Variants in ST7 observed in about 807,000 individuals in gnomAD.
ST7 encodes the protein suppression of tumorigenicity 7.
ST7 carries 28 observed loss-of-function variants against 78.7 expected under a neutral mutation model. The observed-to-expected ratio is 0.36, with a 90% confidence interval of 0.26 to 0.49. The LOEUF is 0.49. Among genes scored for constraint, ST7 ranks in the 20% least tolerant of loss-of-function variants. The probability of loss-of-function intolerance (pLI) is 0.99; values close to 1 mark genes in which losing one functional copy is unlikely to be tolerated. For synonymous variants in ST7, 247 were observed against 249.6 expected (o/e 0.99, Z 0.10); for missense variants, 418 against 696.0 (o/e 0.60, Z 4.49).
chr7:117,171,552 T>G (rs186445419), intron 10 of ST7, among the ~76,000 whole-genome samples: 14 of 151,964 alleles, frequency 9.2e-5, no homozygotes, highest in Admixed American at 5.9e-4. Flanking sequence ...CCATTCTGGT[T>G]ACTCACTCAT....
chr7:116,957,933 C>T (rs186593429), intron 1 of ST7, among the ~76,000 whole-genome samples: 10 of 152,308 alleles, frequency 6.6e-5, no homozygotes, highest in Admixed American at 1.3e-4. Flanking sequence ...CTTTGAAATC[C>T]GTTTTCATTC....
intron 1 of ST7, among the ~76,000 whole-genome samples, chr7:117,020,846 G>A (rs1392343588): frequency 2.0e-5 from 3 of 152,218 alleles, no homozygotes; most frequent in Non-Finnish European, 4.4e-5. Context: ...AGGCCTGTAA[G>A]AGGGAGGTAG....
At chr7:117,067,596 TGGTTGG>T (rs1798710340) in intron 1 of ST7, among the ~76,000 whole-genome samples, 1 of 151,902 alleles carries the variant, frequency 6.6e-6, no homozygotes, top group Non-Finnish European at 1.5e-5. Flanking sequence ...TCCTGGGGGA[TGGTTGG>T]GGTTGGGGAA....
At chr7:117,074,623 T>C (rs949193582) in intron 1 of ST7, 2 of 152,208 alleles carry the variant, frequency 1.3e-5, no homozygotes, top group Non-Finnish European at 2.9e-5. Context: ...AGATACACTG[T>C]GACTTCAAAT....
intron 1 of ST7, among the ~76,000 whole-genome samples, chr7:116,968,823 A>T (rs1793272816): frequency 6.6e-6 from 1 of 152,198 alleles, no homozygotes. Context: ...TGCTTGGAGA[A>T]TATGAGAATG....
At chr7:117,209,684 G>C (rs762718286) in intron 12 of ST7, 103 bp from the exon 13 acceptor site, 55 of 1,334,096 alleles carry the variant, frequency 4.1e-5, no homozygotes, top group Non-Finnish European at 5.3e-5. Context: ...TTAATGAAAT[G>C]CTTATAAGTG....
intron 1 of ST7, among the ~76,000 whole-genome samples, chr7:117,027,463 AAAAGT>A (rs71148357): frequency 2.6e-4 from 36 of 140,736 alleles, no homozygotes; most frequent in East Asian, 1.6e-3. Context: ...AAAGTAAAGT[AAAAGT>A]AAAGTAAAGT....
At chr7:117,112,098 G>A (rs886531438) in intron 2 of ST7, among the ~76,000 whole-genome samples, 1 of 151,378 alleles carries the variant, frequency 6.6e-6, no homozygotes, top group Non-Finnish European at 1.5e-5. Context: ...ATATGCATGT[G>A]TGTGTGTGTG....
intron 1 of ST7, among the ~76,000 whole-genome samples, chr7:117,074,936 A>G (rs753029857): frequency 5.3e-5 from 8 of 152,188 alleles, no homozygotes; most frequent in Non-Finnish European, 1.0e-4. Flanking sequence ...ATTAATTAGT[A>G]TTGCAGCTGA....
At position 117,031,733 on chromosome 7, in the gene ST7, C is replaced by CAT. The variant is rs1352931965; in HGVS notation, c.152-68024_152-68023dup. ...ATATGCATATATATGCATATATATG[C>CAT]ATATATGTGTATATATATGCATATA... is the stretch of plus-strand genomic sequence containing the variant. On this transcript the variant is annotated intron_variant, in intron 1 of 15. Transcript: ENST00000323984. Among the ~76,000 whole-genome samples the CAT allele has an allele frequency of 6.7e-5, 2 of 29,998 alleles. 1 individual carries two copies. Among genetic ancestry groups the CAT allele is most frequent in the African/African-American group, 2.4e-4 (2 of 8,176 alleles). The allele number at this position is 29,998 out of a possible 152,430, so 19.7% of individuals were successfully genotyped here.
At chr7:117,011,618 G>A (rs1280542798) in intron 1 of ST7, among the ~76,000 whole-genome samples, 1 of 152,138 alleles carries the variant, frequency 6.6e-6, no homozygotes, top group Non-Finnish European at 1.5e-5. Context: ...TCTCCAACCT[G>A]GATCACGAAG....
At position 117,029,678 on chromosome 7, in the gene ST7, ATG is replaced by A. The variant is rs1352063816; in HGVS notation, c.152-70080_152-70079del. Among the ~76,000 whole-genome samples the A allele has an allele frequency of 2.0e-5, 3 of 150,566 alleles. No homozygotes were observed. In the East Asian group the frequency reaches 5.9e-4, roughly 29 times the overall value. On this transcript the variant is annotated intron_variant, in intron 1 of 15. Transcript: ENST00000323984. ...TCCTGTATTTTCTTCCAGATGTTTT[ATG>A]TGTTTTGCTTCTATGTGTGCTATGA...
intron 12 of ST7, among the ~76,000 whole-genome samples, chr7:117,203,675 A>G (rs1034374831): frequency 1.3e-5 from 2 of 152,130 alleles, no homozygotes; most frequent in Non-Finnish European, 2.9e-5. Context: ...CATCTTACTA[A>G]GGTACTTACC....
chr7:116,967,986 C>G (rs893653823), intron 1 of ST7, among the ~76,000 whole-genome samples: 3 of 152,132 alleles, frequency 2.0e-5, no homozygotes, highest in Non-Finnish European at 4.4e-5. Context: ...ATGAGGAGCT[C>G]CACTCCTGGT....
intron 9 of ST7, among the ~76,000 whole-genome samples, chr7:117,151,578 TG>T (rs1668972251): frequency 1.3e-5 from 2 of 152,206 alleles, no homozygotes; most frequent in Admixed American, 6.5e-5. Flanking sequence ...ATTTTTTAAT[TG>T]CCCCTTCACT....
At chr7:117,195,111 T>G (rs1317427159) in intron 12 of ST7, among the ~76,000 whole-genome samples, 3 of 152,102 alleles carry the variant, frequency 2.0e-5, no homozygotes, top group Non-Finnish European at 4.4e-5. Context: ...TTTAAGACTA[T>G]TTCTAGCCTT....
chr7:117,214,512 A>T (rs1430622256), intron 13 of ST7, among the ~76,000 whole-genome samples: 1 of 152,178 alleles, frequency 6.6e-6, no homozygotes, highest in African/African-American at 2.4e-5. Flanking sequence ...CCTTTCCTCC[A>T]TAAGGCTGGC....
intron 9 of ST7, among the ~76,000 whole-genome samples, chr7:117,140,661 C>G (rs10254265): frequency 7.4e-4 from 112 of 152,032 alleles, no homozygotes; most frequent in African/African-American, 2.5e-3. Context: ...CATACACATA[C>G]ATATTTATGC....
intron 1 of ST7, among the ~76,000 whole-genome samples, chr7:116,987,234 T>C (rs1169218679): frequency 6.6e-6 from 1 of 152,194 alleles, no homozygotes; most frequent in East Asian, 1.9e-4. Context: ...GCATGTCACA[T>C]AGAGCCATCA....
Sources: allele counts gnomAD v4.1 joint callset (sites outside exome capture counted in the v4.1 genomes callset), GRCh38; gene constraint gnomAD v4.1.1; transcripts MANE v1.5; gene names NCBI Gene and HGNC (gene_info 2026-07-23, HGNC 2026-07-21).